The following USP47 variants were observed in gnomAD, a reference collection of about 807,000 sequenced individuals.
USP47 encodes the protein ubiquitin carboxyl-terminal hydrolase 47.
Under a neutral mutation model 165.1 loss-of-function variants are expected in USP47, and 35 were observed. That is an observed-to-expected ratio of 0.21 (90% CI 0.16 to 0.28). The LOEUF is 0.28. Among genes scored for constraint, USP47 ranks in the 10% least tolerant of loss-of-function variants. USP47 has a pLI of 1.00. For synonymous variants in USP47, 531 were observed against 544.5 expected (o/e 0.98, Z 0.35); for missense variants, 1,277 against 1,607.4 (o/e 0.79, Z 3.52).
rs188393396 is a variant in USP47, at chr11:11,952,788, C to T, written c.3631C>T (p.Arg1211Trp). 31 of 1,612,402 alleles carry T rather than the reference C, an allele frequency of 1.9e-5. No individual in the cohort carries two copies. Among genetic ancestry groups the T allele is most frequent in the Non-Finnish European group, 2.3e-5 (27 of 1,179,142 alleles). The change falls in exon 25 of 28, where the codon CGG becomes TGG. Residue 1211 changes from arginine to tryptophan, a missense_variant. Physicochemically the swap from Arg to Trp is moderately radical, Grantham distance 101. Transcript: ENST00000527733. Reference sequence around the variant, plus strand: ...GTCACAGCTTGCAGTTTTGTCAAGACGGTGGAAGCCTTCAGAGATGAAGTT... The same window carrying T: ...GTCACAGCTTGCAGTTTTGTCAAGATGGTGGAAGCCTTCAGAGATGAAGTT... ...SMSQLAVLSR[R>W]WKPSEMKLDP...
At position 11,961,662 on chromosome 11, in the gene USP47, T is replaced by C. The variant is rs1847458048; in HGVS notation, c.*5487T>C. Among the ~76,000 whole-genome samples, 1 of 152,228 alleles carries C rather than the reference T, an allele frequency of 6.6e-6. No individual in the cohort carries two copies. The highest frequency in any genetic ancestry group is 6.5e-5 in the Admixed American group (1 of 15,284). ...AAGTGGATGGAGGGCAGGAGCTCCA[T>C]TCTTGTTTGCCACTCTCCTTTTGTC... On this transcript the variant is annotated 3_prime_UTR_variant, in exon 28 of 28. Transcript: ENST00000527733.
chr11:11,912,392 C>T (rs1853063706), intron 8 of USP47, among the ~76,000 whole-genome samples: 1 of 151,972 alleles, frequency 6.6e-6, no homozygotes, highest in African/African-American at 2.4e-5. Context: ...ATAGATCTTG[C>T]AGATATCAAA....
intron 1 of USP47, among the ~76,000 whole-genome samples, chr11:11,846,994 G>A (rs1848463926): frequency 6.6e-6 from 1 of 152,062 alleles, no homozygotes. Flanking sequence ...ATAAAAGTCA[G>A]TATTTTAGAT....
intron 1 of USP47, among the ~76,000 whole-genome samples, chr11:11,846,494 T>G (rs765467027): frequency 6.6e-6 from 1 of 151,976 alleles, no homozygotes; most frequent in Middle Eastern, 3.2e-3. Context: ...GGAAAAAGAG[T>G]AGAAATGTAA....
intron 8 of USP47, 43 bp from the exon 9 acceptor site, chr11:11,920,108 TTAATA>T (rs765781669): frequency 3.0e-6 from 4 of 1,346,076 alleles, no homozygotes; most frequent in African/African-American, 1.5e-5. Context: ...GATTTTGTCA[TTAATA>T]TAATATTTTA....
intron 20 of USP47, among the ~76,000 whole-genome samples, chr11:11,945,771 CA>C (rs1182345759): frequency 1.3e-5 from 2 of 151,480 alleles, no homozygotes; most frequent in Non-Finnish European, 1.5e-5. Flanking sequence ...CCCATCTCTA[CA>C]AAAAAAATTT....
chr11:11,906,518 G>A (rs1195422698), intron 8 of USP47, among the ~76,000 whole-genome samples: 4 of 151,948 alleles, frequency 2.6e-5, no homozygotes, highest in Non-Finnish European at 4.4e-5. Context: ...ACCTTTATAT[G>A]GCTATTAGGA....
chr11:11,871,968 G>C (rs1187988830), intron 1 of USP47, among the ~76,000 whole-genome samples: 1 of 152,176 alleles, frequency 6.6e-6, no homozygotes, highest in Non-Finnish European at 1.5e-5. Flanking sequence ...TGTTAGATAA[G>C]ATGAGAGAAG....
chr11:11,900,154 CT>C (rs1042565841), intron 5 of USP47, among the ~76,000 whole-genome samples: 1,519 of 99,132 alleles, frequency 0.015, 9 homozygotes, highest in African/African-American at 0.052. Flanking sequence ...ATTTTCTTCA[CT>C]TTTTTTTTTT....
At position 11,868,127 on chromosome 11, in the gene USP47, A is replaced by G. The variant is rs113187850; in HGVS notation, c.40-12050A>G. 8.8e-3 allele frequency among the ~76,000 whole-genome samples: 1,336 copies of G among 152,100 alleles called. 17 individuals are homozygous for G. The highest frequency in any genetic ancestry group is 0.025 in the South Asian group (122 of 4,814). Reference sequence around the variant, plus strand: ...CTTGTAGTTTGGAGAAATAAAACAGATATCTCATGTACTCTTCACCCAGTC... The same window carrying G: ...CTTGTAGTTTGGAGAAATAAAACAGGTATCTCATGTACTCTTCACCCAGTC... On this transcript the variant is annotated intron_variant, in intron 1 of 27. Coordinates refer to ENST00000527733, the MANE Select transcript of USP47 (RefSeq NM_001282659.2).
intron 11 of USP47, among the ~76,000 whole-genome samples, chr11:11,926,069 A>G (rs938653687): frequency 6.6e-6 from 1 of 152,104 alleles, no homozygotes; most frequent in African/African-American, 2.4e-5. Context: ...TAGTCCTTTA[A>G]TGTGTTACTG....
rs777493032 is a variant in USP47 at position 11,855,097 on chromosome 11, GA to G, written c.39+12886del. 1.6e-3 allele frequency among the ~76,000 whole-genome samples: 221 copies of G among 134,856 alleles called. 2 individuals carry two copies. Among genetic ancestry groups the G allele is most frequent in the Middle Eastern group, 7.6e-3 (2 of 262 alleles). The allele number at this position is 134,856 out of a possible 152,430, so 88.5% of individuals were successfully genotyped here. A position where few individuals can be genotyped will look rare whatever the true frequency, so the allele number is the denominator to read the frequency against. ...GCGACAGAGCGAGACTCCGTCTCAG[GA>G]AAAAAAAAAAAAGAAAAGAAAATTG... On this transcript the variant is annotated intron_variant, in intron 1 of 27. Coordinates refer to ENST00000527733, the MANE Select transcript of USP47 (RefSeq NM_001282659.2).
intron 3 of USP47, among the ~76,000 whole-genome samples, chr11:11,890,306 A>G (rs542425131): frequency 3.3e-4 from 51 of 152,360 alleles, no homozygotes; most frequent in African/African-American, 1.2e-3. Flanking sequence ...TATCCACCTG[A>G]CAAAGGTCTA....
Position 11,942,992 on chromosome 11 carries a change from G to A in USP47, c.2971G>A (p.Glu991Lys), listed in dbSNP as rs1855583191. 5.0e-6 allele frequency: 8 copies of A among 1,613,482 alleles called. No homozygotes were observed. Among genetic ancestry groups the A allele is most frequent in the Non-Finnish European group, 6.8e-6 (8 of 1,179,694 alleles). ...AAAAGAAACATGGGATACAGCAGAA[G>A]AAGACTCTGGAACTGATAGTGAATA... Reference protein sequence around the residue: ...GKKETWDTAEEDSGTDSEYDE... With the variant: ...GKKETWDTAEKDSGTDSEYDE... Residue 991 changes from glutamate to lysine, a missense_variant, in exon 20 of 28, where the codon GAA becomes AAA. By Grantham distance (56) the Glu-to-Lys change is moderately conservative (BLOSUM62 1). This residue lies in a region of USP47 where 909 missense variants were observed against 1,068.1 expected (regional missense o/e 0.85). Transcript: ENST00000527733.
intron 8 of USP47, among the ~76,000 whole-genome samples, chr11:11,909,056 A>AAT (rs1158257916): frequency 6.6e-6 from 1 of 152,170 alleles, no homozygotes; most frequent in African/African-American, 2.4e-5. Flanking sequence ...GACATCTGTT[A>AAT]ATATCTCAAG....
At chr11:11,869,846 C>T (rs938613364) in intron 1 of USP47, among the ~76,000 whole-genome samples, 1 of 152,156 alleles carries the variant, frequency 6.6e-6, no homozygotes, top group Non-Finnish European at 1.5e-5. Context: ...CTCTCTTTCA[C>T]CCTCTTTTTG....
intron 1 of USP47, among the ~76,000 whole-genome samples, chr11:11,858,463 T>A (rs181741805): frequency 2.6e-5 from 4 of 152,316 alleles, no homozygotes; most frequent in Admixed American, 2.0e-4. Context: ...CATACAGTTG[T>A]ACAACCACTA....
intron 13 of USP47, 149 bp from the exon 14 acceptor site, chr11:11,930,547 G>A (rs564313515): frequency 3.1e-5 from 20 of 647,808 alleles, no homozygotes; most frequent in African/African-American, 2.6e-4. Context: ...CTCTTATCTG[G>A]AATGTTTTAA....
At chr11:11,877,805 CTGTGTGTGTG>C (rs10577564) in intron 1 of USP47, among the ~76,000 whole-genome samples, 14,658 of 70,420 alleles carry the variant, frequency 0.21, 1,018 homozygotes, top group Non-Finnish European at 0.28. Context: ...CTCTCTCTCT[CTGTGTGTGTG>C]TGTGTGTGTG....
Sources: gnomAD v4.1 joint callset for allele counts (sites outside exome capture counted in the v4.1 genomes callset) on GRCh38, gnomAD v4.1.1 for gene constraint, gnomAD v4.1.1 regional missense constraint, MANE v1.5 for transcripts, NCBI Gene and HGNC (gene_info 2026-07-23, HGNC 2026-07-21) for gene names.